Variants in NADSYN1 observed in about 807,000 individuals in gnomAD.
The protein encoded by NADSYN1 is glutamine-dependent NAD(+) synthetase.
A neutral mutation model predicts 99.3 loss-of-function variants in NADSYN1; 80 were observed. The ratio of observed to expected loss-of-function variants is 0.81; its 90% CI spans 0.67 to 0.97. The LOEUF (loss-of-function observed/expected upper bound fraction) is 0.97, where lower values mean the gene tolerates loss of function less well. Ranked by LOEUF, NADSYN1 falls within the 50% of genes least tolerant of loss-of-function variation. NADSYN1 has a pLI of 0.00. For synonymous variants in NADSYN1, 385 were observed against 372.1 expected, an observed-to-expected ratio of 1.03 and a Z score of -0.40; for missense variants, 859 against 948.5, an observed-to-expected ratio of 0.91 and a Z score of 1.24.
rs539906692 is a variant in NADSYN1, at chr11:71,501,470, G to A, written c.*118G>A. On this transcript the variant is annotated 3_prime_UTR_variant, in exon 21 of 21. Transcript: ENST00000319023. ...GAGCCCAGGATGGGACGGCGCATCA[G>A]CCGAGAGGGAGGGAACTTTTCAGTC... 2.1e-6 allele frequency: 2 copies of A among 932,772 alleles called. No homozygotes were observed. The highest frequency in any genetic ancestry group is 3.2e-6 in the Non-Finnish European group (2 of 623,918). The allele number at this position is 932,772 out of a possible 1,614,324, so 57.8% of individuals were successfully genotyped here.
intron 9 of NADSYN1, chr11:71,476,946 G>A: frequency 1.0e-6 from 1 of 991,512 alleles, no homozygotes; most frequent in Non-Finnish European, 1.2e-6. Flanking sequence ...TTGCCTGAGA[G>A]CTCCGTCGTA....
intron 3 of NADSYN1, among the ~76,000 whole-genome samples, chr11:71,462,658 C>T (rs1949557972): frequency 2.0e-5 from 3 of 152,210 alleles, no homozygotes; most frequent in South Asian, 2.1e-4. Flanking sequence ...TGGGTTCACA[C>T]CGGTTACTTA....
intron 9 of NADSYN1, chr11:71,477,356 G>C: frequency 7.8e-7 from 1 of 1,289,696 alleles, no homozygotes; most frequent in Non-Finnish European, 1.0e-6. Flanking sequence ...TTGGTGGCCA[G>C]GGTGCTGTCA....
Position 71,457,429 on chromosome 11 carries a change from ACTT to A in NADSYN1, c.147-995_147-993del, listed in dbSNP as rs561416067. On this transcript the variant is annotated intron_variant, in intron 2 of 20. Transcript: ENST00000319023. The stretch of plus-strand genomic sequence containing the variant: ...AGGCTGATGTGTAGTAGAAAGGAGA[ACTT>A]CTTGAAGAGTTATAAGTGTTCTACA... Among the ~76,000 whole-genome samples, 741 of 152,294 alleles carry A rather than the reference ACTT, an allele frequency of 4.9e-3. 6 individuals are homozygous for A. Among genetic ancestry groups the A allele is most frequent in the African/African-American group, 0.017 (711 of 41,556 alleles).
intron 13 of NADSYN1, among the ~76,000 whole-genome samples, chr11:71,482,282 T>C (rs1222153385): frequency 6.6e-6 from 1 of 152,226 alleles, no homozygotes; most frequent in African/African-American, 2.4e-5. Context: ...CTGTGCACGG[T>C]GTGGCCTGGT....
intron 15 of NADSYN1, 65 bp downstream of exon 15, chr11:71,484,512 C>T: frequency 2.0e-6 from 3 of 1,531,400 alleles, no homozygotes; most frequent in Non-Finnish European, 2.6e-6. Context: ...ACAATCACTA[C>T]AGGATGTGCA....
Position 71,458,479 on chromosome 11 carries a change from G to C in NADSYN1, c.198G>C (p.Ser66=). 1 of 1,614,066 alleles carries C rather than the reference G, an allele frequency of 6.2e-7. No homozygotes were observed. Among genetic ancestry groups the C allele is most frequent in the Non-Finnish European group, 8.5e-7 (1 of 1,179,940 alleles). ...ACGAGTCGGACACCCTCTTGCACTC[G>C]TTTCAAGTCCTAGCGGCCCTTGTGG... is the stretch of plus-strand genomic sequence containing the variant. ...HYYESDTLLH[S]FQVLAALVES... Residue 66 remains serine (S), a synonymous_variant, in exon 3 of 21, where the codon TCG becomes TCC. Coordinates refer to ENST00000319023, the MANE Select transcript of NADSYN1 (RefSeq NM_018161.5).
chr11:71,457,910 T>C (rs1234919158), intron 2 of NADSYN1, among the ~76,000 whole-genome samples: 2 of 152,232 alleles, frequency 1.3e-5, no homozygotes, highest in African/African-American at 4.8e-5. Flanking sequence ...TCTTCTAAAA[T>C]AAGGTCACCT....
intron 5 of NADSYN1, among the ~76,000 whole-genome samples, chr11:71,471,416 C>G (rs572966231): frequency 6.6e-6 from 1 of 152,324 alleles, no homozygotes; most frequent in South Asian, 2.1e-4. Context: ...GAAAACATAA[C>G]TAAGGCCTGG....
intron 1 of NADSYN1, 95 bp from the exon 2 acceptor site, chr11:71,455,015 T>G (rs113974196): frequency 5.6e-6 from 4 of 715,036 alleles, no homozygotes; most frequent in Admixed American, 3.7e-5. Context: ...TTTGTTTTTT[T>G]TTTTATCCTA....
chr11:71,498,923 C>G, intron 20 of NADSYN1: 1 of 157,842 alleles, frequency 6.3e-6, no homozygotes, highest in East Asian at 1.9e-4. Context: ...GAACTTACTT[C>G]TTTTGTGGCC....
At chr11:71,499,863 C>G (rs1409559200) in intron 20 of NADSYN1, 1 of 152,182 alleles carries the variant, frequency 6.6e-6, no homozygotes, top group Non-Finnish European at 1.5e-5. Flanking sequence ...TGGCAAAACC[C>G]CATCTCTACA....
intron 6 of NADSYN1, among the ~76,000 whole-genome samples, chr11:71,473,002 A>G (rs912349938): frequency 2.0e-5 from 3 of 152,194 alleles, no homozygotes; most frequent in Admixed American, 1.3e-4. Flanking sequence ...TGCTGGCCCC[A>G]ATTGGCAGCC....
At position 71,482,966 on chromosome 11, in the gene NADSYN1, C is replaced by T; in HGVS notation, c.1268C>T (p.Ser423Phe). Residue 423 changes from serine to phenylalanine, a missense_variant, in exon 14 of 21, where the codon TCC becomes TTC. Physicochemically the swap from Ser to Phe is radical, Grantham distance 155. Coordinates refer to ENST00000319023, the MANE Select transcript of NADSYN1 (RefSeq NM_018161.5). ...ACCTGCTACATGGCCAGCAAGAACT[C>T]CTCCCAGGAGACGTGCACCCGGGCC... ...LTTCYMASKN[S>F]SQETCTRARE... 2 of 1,612,952 alleles carry T rather than the reference C, an allele frequency of 1.2e-6. No individual in the cohort carries two copies. Among genetic ancestry groups the T allele is most frequent in the Non-Finnish European group, 1.7e-6 (2 of 1,179,620 alleles).
At chr11:71,475,912 C>A in intron 9 of NADSYN1, 1 of 410,496 alleles carries the variant, frequency 2.4e-6, no homozygotes, top group Admixed American at 2.8e-5. Context: ...CAGGGTTTCA[C>A]TGTGTTGCCC....
At chr11:71,490,456 G>A (rs967370229) in intron 16 of NADSYN1, among the ~76,000 whole-genome samples, 28 of 152,270 alleles carry the variant, frequency 1.8e-4, no homozygotes, top group African/African-American at 6.0e-4. Flanking sequence ...TTCTTCTGCC[G>A]ACCACAGGCC....
chr11:71,463,923 A>G, intron 4 of NADSYN1, 130 bp from the exon 5 acceptor site: 1 of 678,716 alleles, frequency 1.5e-6, no homozygotes, highest in Non-Finnish European at 2.5e-6. Flanking sequence ...AAGGAGAGAG[A>G]TTTGCTCGGG....
intron 11 of NADSYN1, 115 bp from the exon 12 acceptor site, chr11:71,481,241 G>T: frequency 9.4e-7 from 1 of 1,063,634 alleles, no homozygotes. Context: ...CGGGCGTCCT[G>T]AGAGCCCAGC....
At position 71,491,795 on chromosome 11, in the gene NADSYN1, G is replaced by A. The variant is rs144705766; in HGVS notation, c.1695-39G>A. On this transcript the variant is annotated intron_variant, in intron 17 of 20. Transcript: ENST00000319023. Reference sequence around the variant, plus strand: ...CTCTCCCAGAGCTCACACCACCCTCGCAGCTGCACTGACCGACCTCTGTGT... The same window carrying A: ...CTCTCCCAGAGCTCACACCACCCTCACAGCTGCACTGACCGACCTCTGTGT... 2.7e-4 allele frequency: 432 copies of A among 1,598,796 alleles called. 1 individual carries two copies. In the African/African-American group the frequency reaches 4.3e-3, roughly 16 times the overall value.
Sources: gnomAD v4.1 joint callset for allele counts (sites outside exome capture counted in the v4.1 genomes callset) on GRCh38, gnomAD v4.1.1 for gene constraint, MANE v1.5 for transcripts, NCBI Gene and HGNC (gene_info 2026-07-23, HGNC 2026-07-21) for gene names.